WDR49: variants seen among roughly 807,000 people sequenced by gnomAD.
The protein encoded by WDR49 is cilia- and flagella-associated protein 337.
Under a neutral mutation model 119.5 loss-of-function variants are expected in WDR49, and 107 were observed. The observed-to-expected ratio is 0.90, with a 90% CI of 0.77 to 1.05. WDR49 has a LOEUF of 1.05. WDR49 is among the 50% of genes least tolerant of loss of function. The probability of loss-of-function intolerance (pLI) is 0.00; values close to 1 mark genes in which losing one functional copy is unlikely to be tolerated. For synonymous variants in WDR49, 425 were observed against 418.8 expected, an observed-to-expected ratio of 1.01 and a Z score of -0.18; for missense variants, 1,240 against 1,220.5, an observed-to-expected ratio of 1.02 and a Z score of -0.24.
chr3:167,495,175 C>T (rs192528283), intron 18 of WDR49, among the ~76,000 whole-genome samples: 31 of 152,094 alleles, frequency 2.0e-4, no homozygotes, highest in East Asian at 1.7e-3. Context: ...ATATTAGAAG[C>T]AGACCCAGGG....
intron 18 of WDR49, among the ~76,000 whole-genome samples, chr3:167,486,936 T>A (rs1182827002): frequency 6.6e-6 from 1 of 152,120 alleles, no homozygotes. Flanking sequence ...TATATTCTTC[T>A]CATCTTCACA....
chr3:167,489,082 C>G (rs957427721), intron 18 of WDR49, among the ~76,000 whole-genome samples: 2 of 151,978 alleles, frequency 1.3e-5, no homozygotes, highest in East Asian at 3.9e-4. Flanking sequence ...TATCATTCTC[C>G]AAACTTATCA....
chr3:167,532,786 T>G, intron 12 of WDR49, 93 bp downstream of exon 12: 3 of 783,476 alleles, frequency 3.8e-6, no homozygotes, highest in Non-Finnish European at 4.1e-6. Context: ...TCATCTATAA[T>G]TTAGGATCAA....
chr3:167,621,336 A>G (rs1214227913), intron 4 of WDR49, 131 bp downstream of exon 4: 2 of 933,250 alleles, frequency 2.1e-6, no homozygotes, highest in African/African-American at 3.4e-5. Context: ...CATCTCTTCC[A>G]TGTCCAATGT....
chr3:167,546,158 C>A (rs1198230674), intron 10 of WDR49, among the ~76,000 whole-genome samples: 1 of 151,800 alleles, frequency 6.6e-6, no homozygotes, highest in East Asian at 1.9e-4. Context: ...CATCTAATGT[C>A]TTTTTGCCAA....
intron 7 of WDR49, 36 bp downstream of exon 7, chr3:167,602,091 C>A (rs1715797511): frequency 6.5e-7 from 1 of 1,543,504 alleles, no homozygotes; most frequent in Non-Finnish European, 8.8e-7. Context: ...ATCGGGGAAG[C>A]AAAACTAAAT....
At chr3:167,496,324 C>T (rs1438960204) in intron 18 of WDR49, among the ~76,000 whole-genome samples, 2 of 152,068 alleles carry the variant, frequency 1.3e-5, no homozygotes, top group East Asian at 3.9e-4. Flanking sequence ...CCCCACCTAC[C>T]TGTCTAGCCT....
chr3:167,505,174 T>A (rs1751717355), intron 17 of WDR49, 133 bp downstream of exon 17: 1 of 1,169,132 alleles, frequency 8.6e-7, no homozygotes. Flanking sequence ...CTTTGTTAAA[T>A]GGGGTTCACA....
chr3:167,519,032 C>T (rs1219630060), intron 16 of WDR49, among the ~76,000 whole-genome samples: 1 of 151,846 alleles, frequency 6.6e-6, no homozygotes, highest in East Asian at 1.9e-4. Context: ...AAAGGCTCAA[C>T]ATCACTGATC....
At position 167,524,780 on chromosome 3, in the gene WDR49, C is replaced by T. The variant is rs544257022; in HGVS notation, c.2605-2296G>A. ...ATTGGTCTCTTTATCTGTTTTGGTA[C>T]CAGTACCATGCTGTTTTGGTTACTG... On this transcript the variant is annotated intron_variant, in intron 15 of 18. Transcript: ENST00000682715. Among the ~76,000 whole-genome samples the T allele has an allele frequency of 2.0e-5, 3 of 152,164 alleles. No individual in the cohort carries two copies. The East Asian group carries it at 5.8e-4, about 29-fold the overall frequency.
chr3:167,510,032 T>C (rs1751907441), intron 16 of WDR49, among the ~76,000 whole-genome samples: 1 of 152,238 alleles, frequency 6.6e-6, no homozygotes, highest in South Asian at 2.1e-4. Flanking sequence ...ACAATGGCTT[T>C]ACCACAGATA....
At chr3:167,653,116 A>T in intron 2 of WDR49, 145 bp downstream of exon 2, 1 of 937,348 alleles carries the variant, frequency 1.1e-6, no homozygotes. Flanking sequence ...ATTGTGTTAA[A>T]TCCAGGCCTA....
chr3:167,567,428 T>C (rs560097067), intron 8 of WDR49, among the ~76,000 whole-genome samples: 1 of 152,350 alleles, frequency 6.6e-6, no homozygotes, highest in East Asian at 1.9e-4. Flanking sequence ...TCTTTCATGA[T>C]TTCCTTGATT....
intron 10 of WDR49, among the ~76,000 whole-genome samples, chr3:167,547,809 A>G (rs1271272935): frequency 6.6e-6 from 1 of 151,982 alleles, no homozygotes; most frequent in East Asian, 1.9e-4. Flanking sequence ...ATGAAAAGAA[A>G]CTTCAGTTTA....
rs1203277447 is a variant in WDR49 at position 167,576,171 on chromosome 3, A to C, written c.1276-20T>G. The C allele has an allele frequency of 1.3e-6, 2 of 1,598,956 alleles. No homozygotes were observed. The highest frequency in any genetic ancestry group is 2.7e-5 in the African/African-American group (2 of 74,568). ...CAAAACCTGGATGAAAAGTGATAAA[A>C]TCATTTCAATATGTCAAAGATAATT... is the stretch of plus-strand genomic sequence containing the variant. On this transcript the variant is annotated intron_variant, in intron 7 of 18. Coordinates refer to ENST00000682715, the MANE Select transcript of WDR49 (RefSeq NM_001366157.1).
At chr3:167,577,512 A>G (rs1714308267) in intron 7 of WDR49, among the ~76,000 whole-genome samples, 1 of 150,920 alleles carries the variant, frequency 6.6e-6, no homozygotes, top group African/African-American at 2.4e-5. Flanking sequence ...TAACAGGGGG[A>G]CCTCCAATAA....
intron 18 of WDR49, among the ~76,000 whole-genome samples, chr3:167,494,820 T>A (rs888792924): frequency 6.6e-6 from 1 of 152,140 alleles, no homozygotes. Flanking sequence ...AGACTGTGGA[T>A]TGGACTGAAA....
intron 18 of WDR49, among the ~76,000 whole-genome samples, chr3:167,486,034 G>A (rs549126905): frequency 6.7e-4 from 102 of 151,822 alleles, no homozygotes; most frequent in African/African-American, 2.4e-3. Context: ...GACCACATCA[G>A]GCTAGCAGTA....
chr3:167,578,551 A>G (rs144657809), intron 7 of WDR49, among the ~76,000 whole-genome samples: 226 of 151,920 alleles, frequency 1.5e-3, no homozygotes, highest in African/African-American at 5.3e-3. Flanking sequence ...TTCTCCTCCC[A>G]TTTCTCCCAA....
Sources: allele counts gnomAD v4.1 joint callset (sites outside exome capture counted in the v4.1 genomes callset), GRCh38; gene constraint gnomAD v4.1.1; transcripts MANE v1.5; gene names NCBI Gene and HGNC (gene_info 2026-07-23, HGNC 2026-07-21).